Variants in DPP8 observed in about 807,000 individuals in gnomAD.
The protein encoded by DPP8 is dipeptidyl peptidase 8, also known as DPP VIII.
DPP8 carries 31 observed loss-of-function variants against 107.5 expected under a neutral mutation model. The ratio of observed to expected loss-of-function variants is 0.29; its 90% CI spans 0.22 to 0.39. DPP8 has a LOEUF of 0.39. Among genes scored for constraint, DPP8 ranks in the 10% least tolerant of loss-of-function variants. The pLI, the probability that DPP8 is intolerant of heterozygous loss-of-function variation, is 1.00. For synonymous variants in DPP8, 381 were observed against 356.6 expected, an observed-to-expected ratio of 1.07 and a Z score of -0.77; for missense variants, 842 against 1,076.1, an observed-to-expected ratio of 0.78 and a Z score of 3.04.
At chr15:65,457,886 T>C (rs980348877) in intron 15 of DPP8, among the ~76,000 whole-genome samples, 1 of 152,168 alleles carries the variant, frequency 6.6e-6, no homozygotes, top group Admixed American at 6.5e-5. Context: ...CTCGAACTCC[T>C]GGGCTCAAGT....
rs780633043 is a variant in DPP8 at position 65,487,771 on chromosome 15, C to G, written c.874G>C (p.Glu292Gln). Reference sequence around the variant, plus strand: ...ACATGAATAATTTCCACCTCAGATTCATCATTTTCTTCATATAGAATTCTA... The same window carrying G: ...ACATGAATAATTTCCACCTCAGATTGATCATTTTCTTCATATAGAATTCTA... ...ILRILYEEND[E>Q]SEVEIIHVTS... The change falls in exon 7 of 20, where the codon GAA becomes CAA. Residue 292 changes from glutamate (E) to glutamine (Q), a missense_variant. Physicochemically the swap from Glu to Gln is conservative, Grantham distance 29. Coordinates refer to ENST00000300141, the MANE Select transcript of DPP8 (RefSeq NM_130434.5). 3 of 1,591,762 alleles carry G rather than the reference C, an allele frequency of 1.9e-6. No individual in the cohort carries two copies. The highest frequency in any genetic ancestry group is 2.7e-5 in the African/African-American group (2 of 74,312).
intron 7 of DPP8, 108 bp downstream of exon 7, chr15:65,487,582 A>G (rs1315318881): frequency 1.9e-6 from 2 of 1,039,156 alleles, no homozygotes; most frequent in African/African-American, 3.4e-5. Context: ...CGTCGTAAAT[A>G]AGGCTGGAAA....
Position 65,500,701 on chromosome 15 carries a change from C to G in DPP8, c.451G>C (p.Ala151Pro). 6.2e-7 allele frequency: 1 copy of G among 1,613,752 alleles called. No homozygotes were observed. Residue 151 changes from alanine to proline, a missense_variant, in exon 4 of 20, where the codon GCT (alanine) becomes CCT (proline). Coordinates refer to ENST00000300141, the MANE Select transcript of DPP8 (RefSeq NM_130434.5). ...CTTCCTTGGTGATAATCGTAAGAAG[C>G]AATTCCGACTGTTCCAATGCGTTTT... Reference protein sequence around the residue: ...ERKRIGTVGIASYDYHQGSGT... With the variant: ...ERKRIGTVGIPSYDYHQGSGT...
rs777481618 is a variant in DPP8, at chr15:65,451,984, A to G, written c.2390T>C (p.Met797Thr). Residue 797 changes from methionine to threonine, a missense_variant, in exon 18 of 20, where the codon ATG (methionine) becomes ACG (threonine). Around this residue, in one of 2 missense-constraint regions of DPP8, gnomAD observed 179 missense variants for 318.0 expected, o/e 0.56. Coordinates refer to ENST00000300141, the MANE Select transcript of DPP8 (RefSeq NM_130434.5). ...CTCAGAGGGGAACTTTTCTGCTTGCATGGCCACAGATCCTAAGTAATAGCC... is the reference window on the plus strand; with the variant it reads ...CTCAGAGGGGAACTTTTCTGCTTGCGTGGCCACAGATCCTAAGTAATAGCC... ...EQGYYLGSVA[M>T]QAEKFPSEPN... 8 of 1,604,496 alleles carry G rather than the reference A, an allele frequency of 5.0e-6. No homozygotes were observed. The highest frequency in any genetic ancestry group is 3.5e-5 in the Admixed American group (2 of 57,762).
intron 12 of DPP8, among the ~76,000 whole-genome samples, chr15:65,470,424 G>A (rs2065775871): frequency 6.6e-6 from 1 of 151,438 alleles, no homozygotes; most frequent in Non-Finnish European, 1.5e-5. Flanking sequence ...TGGCCAACAT[G>A]GTGAAACCCC....
In DPP8 at chr15:65,454,292, C is replaced by A. The variant is rs2064220180; in HGVS notation, c.2242G>T (p.Ala748Ser). The A allele has an allele frequency of 6.4e-7, 1 of 1,569,922 alleles. No individual in the cohort carries two copies. The highest frequency in any genetic ancestry group is 1.4e-5 in the African/African-American group (1 of 71,782). ...WSYGGYLSLM[A>S]LMQRSDIFRV... is the part of the protein sequence containing the mutation. ...AAGATATCTGACCTCTGCATTAATG[C>A]CATCAGGGAGAGGTATCCTCCATAG... Residue 748 changes from alanine (A) to serine (S), a missense_variant, in exon 17 of 20, where the codon GCA (alanine) becomes TCA (serine). Ala to Ser is a moderately conservative substitution (Grantham distance 99). Coordinates refer to ENST00000300141, the MANE Select transcript of DPP8 (RefSeq NM_130434.5).
chr15:65,480,507 A>G, intron 9 of DPP8, 108 bp from the exon 10 acceptor site: 1 of 668,510 alleles, frequency 1.5e-6, no homozygotes, highest in East Asian at 2.7e-5. Context: ...AATCACCATG[A>G]AAGAACTGCT....
At chr15:65,506,181 T>C (rs1053059406) in intron 3 of DPP8, among the ~76,000 whole-genome samples, 4 of 151,232 alleles carry the variant, frequency 2.6e-5, no homozygotes, top group Admixed American at 2.6e-4. Context: ...AATACAAAAT[T>C]AGCTGGGCGT....
At chr15:65,459,744 C>A (rs1291075417) in intron 15 of DPP8, among the ~76,000 whole-genome samples, 2 of 152,096 alleles carry the variant, frequency 1.3e-5, no homozygotes, top group East Asian at 3.9e-4. Flanking sequence ...CACCTGAGGT[C>A]AGGAGTTCGA....
chr15:65,463,734 T>C (rs3825891), intron 15 of DPP8, 27 bp downstream of exon 15: 325,027 of 1,562,450 alleles, frequency 0.21, 41,447 homozygotes, highest in East Asian at 0.69. Context: ...TATGGGTGTA[T>C]GTATATATGT....
chr15:65,474,688 T>C (rs1480402961), intron 11 of DPP8, among the ~76,000 whole-genome samples: 2 of 152,228 alleles, frequency 1.3e-5, no homozygotes, highest in East Asian at 1.9e-4. Context: ...CCCACGCTGG[T>C]CTTGAACTGC....
At chr15:65,496,069 C>T (rs569387793) in intron 5 of DPP8, among the ~76,000 whole-genome samples, 1 of 151,706 alleles carries the variant, frequency 6.6e-6, no homozygotes, top group Admixed American at 6.6e-5. Flanking sequence ...CTGGAAGCTC[C>T]GCCTCCTGGG....
chr15:65,488,677 A>C (rs1303967294), intron 6 of DPP8, among the ~76,000 whole-genome samples: 1 of 151,814 alleles, frequency 6.6e-6, no homozygotes, highest in African/African-American at 2.4e-5. Context: ...AGCATTACAC[A>C]TAAGAATAAG....
intron 6 of DPP8, among the ~76,000 whole-genome samples, chr15:65,488,705 CGTTTTCA>C (rs2067693819): frequency 6.6e-6 from 1 of 150,946 alleles, no homozygotes; most frequent in Admixed American, 6.6e-5. Context: ...TCTTGAAATT[CGTTTTCA>C]GTTTTATCTA....
intron 2 of DPP8, among the ~76,000 whole-genome samples, chr15:65,510,856 C>T (rs902259363): frequency 6.6e-6 from 1 of 152,054 alleles, no homozygotes; most frequent in African/African-American, 2.4e-5. Flanking sequence ...GCTTTTTAAG[C>T]ATGTGAAATG....
In DPP8 at chr15:65,445,858, G is replaced by A. The variant is rs2063479715; in HGVS notation, c.*1026C>T. On this transcript the variant is annotated 3_prime_UTR_variant, in exon 20 of 20. Transcript: ENST00000300141. Reference sequence around the variant, plus strand: ...TTTCAGTTTCCAAACATTTTCATGAGTATTTTTGTTAAAACTACTTCTGCT... The same window carrying A: ...TTTCAGTTTCCAAACATTTTCATGAATATTTTTGTTAAAACTACTTCTGCT... 1 of 151,864 alleles carries A rather than the reference G, an allele frequency of 6.6e-6. No homozygotes were observed. The highest frequency in any genetic ancestry group is 1.9e-4 in the East Asian group (1 of 5,186). The allele number at this position is 151,864 out of a possible 1,614,324, so 9.4% of individuals were successfully genotyped here.
intron 19 of DPP8, among the ~76,000 whole-genome samples, chr15:65,450,344 T>C (rs756390276): frequency 1.1e-4 from 17 of 152,288 alleles, no homozygotes; most frequent in Middle Eastern, 3.4e-3. Context: ...ATTGATATAA[T>C]TGACATAAAC....
chr15:65,454,136 C>CA (rs370866269), intron 17 of DPP8, 127 bp downstream of exon 17: 54,463 of 348,972 alleles, frequency 0.16, 31 homozygotes, highest in Middle Eastern at 0.17. Context: ...GACTTCGTCT[C>CA]AAAAAAAAAA....
At chr15:65,447,686 A>G (rs544122192) in intron 19 of DPP8, among the ~76,000 whole-genome samples, 1 of 152,320 alleles carries the variant, frequency 6.6e-6, no homozygotes, top group East Asian at 1.9e-4. Context: ...ACTTCAAAGA[A>G]TGACTGACAA....
Sources: allele counts gnomAD v4.1 joint callset (sites outside exome capture counted in the v4.1 genomes callset), GRCh38; gene constraint gnomAD v4.1.1; regional missense constraint gnomAD v4.1.1; transcripts MANE v1.5; gene names NCBI Gene and HGNC (gene_info 2026-07-23, HGNC 2026-07-21).